ABCC4: variants seen among roughly 807,000 people sequenced by gnomAD.
The protein encoded by ABCC4 is ATP-binding cassette sub-family C member 4.
Under a neutral mutation model 168.5 loss-of-function variants are expected in ABCC4, and 102 were observed. The ratio of observed to expected loss-of-function variants is 0.61; its 90% CI spans 0.52 to 0.71. ABCC4 has a LOEUF of 0.71. Among genes scored for constraint, ABCC4 ranks in the 30% least tolerant of loss-of-function variants. ABCC4 has a pLI of 0.00. For synonymous variants in ABCC4, 617 were observed against 590.7 expected, an observed-to-expected ratio of 1.04 and a Z score of -0.65; for missense variants, 1,402 against 1,605.8, an observed-to-expected ratio of 0.87 and a Z score of 2.17.
rs1364082186 is a variant in ABCC4 at position 95,034,697 on chromosome 13, C to T, written c.3778G>A (p.Val1260Ile). Residue 1260 changes from valine to isoleucine, a missense_variant, in exon 30 of 31, where the codon GTT becomes ATT. Physicochemically the swap from Val to Ile is conservative, Grantham distance 29 (BLOSUM62 3). This residue lies in a region of ABCC4 where 1,007 missense variants were observed against 1,127.3 expected (regional missense o/e 0.89). Coordinates refer to ENST00000645237, the MANE Select transcript of ABCC4 (RefSeq NM_005845.5). ...AGGCTCTCTTTATTTTGCAGCAAAACATACGGCTCATCATATTCTTTCAGT... is the reference window on the plus strand; with the variant it reads ...AGGCTCTCTTTATTTTGCAGCAAAATATACGGCTCATCATATTCTTTCAGT... ...GRLKEYDEPY[V>I]LLQNKESLFY... 13 of 1,614,128 alleles carry T rather than the reference C, an allele frequency of 8.1e-6. No homozygotes were observed. The highest frequency in any genetic ancestry group is 1.1e-5 in the Non-Finnish European group (13 of 1,180,052).
intron 30 of ABCC4, among the ~76,000 whole-genome samples, chr13:95,031,127 C>T (rs2031857751): frequency 1.3e-5 from 2 of 152,200 alleles, no homozygotes; most frequent in South Asian, 2.1e-4. Flanking sequence ...ATATTTGATG[C>T]TTGCACATTT....
intron 22 of ABCC4, 50 bp from the exon 23 acceptor site, chr13:95,074,374 G>T: frequency 6.9e-7 from 1 of 1,456,712 alleles, no homozygotes; most frequent in South Asian, 1.2e-5. Flanking sequence ...ATGAATGTGC[G>T]AGTGTGTTTT....
At chr13:95,099,374 T>G (rs1232406435) in intron 20 of ABCC4, among the ~76,000 whole-genome samples, 1 of 152,164 alleles carries the variant, frequency 6.6e-6, no homozygotes, top group African/African-American at 2.4e-5. Context: ...AAAGGAGACT[T>G]CCTGAGGAGA....
intron 1 of ABCC4, among the ~76,000 whole-genome samples, chr13:95,264,575 A>C (rs1355195105): frequency 6.6e-6 from 1 of 152,186 alleles, no homozygotes; most frequent in Admixed American, 6.5e-5. Context: ...GTGTCTTTGA[A>C]GAATATTCTA....
chr13:95,074,179 T>C, intron 23 of ABCC4, 35 bp downstream of exon 23: 1 of 1,486,288 alleles, frequency 6.7e-7, no homozygotes, highest in South Asian at 1.2e-5. Flanking sequence ...TAAATTGTAA[T>C]CATACCATAC....
chr13:95,097,765 A>T (rs1196940995), intron 20 of ABCC4, among the ~76,000 whole-genome samples: 6 of 150,550 alleles, frequency 4.0e-5, no homozygotes, highest in African/African-American at 1.5e-4. Flanking sequence ...GGTTTTTTAA[A>T]AAAAAAAAAT....
At chr13:95,232,801 G>A (rs2039660583) in intron 4 of ABCC4, among the ~76,000 whole-genome samples, 1 of 152,134 alleles carries the variant, frequency 6.6e-6, no homozygotes, top group African/African-American at 2.4e-5. Flanking sequence ...TCTCAGCAAA[G>A]CAACCAGAAA....
At chr13:95,268,146 C>T (rs1008000589) in intron 1 of ABCC4, among the ~76,000 whole-genome samples, 1 of 152,132 alleles carries the variant, frequency 6.6e-6, no homozygotes, top group African/African-American at 2.4e-5. Context: ...TAATCTGTAA[C>T]CCTACCCCCA....
chr13:95,187,080 A>T (rs1594259674), intron 10 of ABCC4, among the ~76,000 whole-genome samples, 188 bp from the exon 11 acceptor site: 1 of 152,370 alleles, frequency 6.6e-6, no homozygotes, highest in East Asian at 1.9e-4. Context: ...TTTATAAGGA[A>T]TATTAACAAA....
At chr13:95,176,394 C>A (rs2139592231) in intron 13 of ABCC4, among the ~76,000 whole-genome samples, 1 of 152,088 alleles carries the variant, frequency 6.6e-6, no homozygotes, top group Middle Eastern at 3.4e-3. Flanking sequence ...ACCCGGGAGG[C>A]TGAGGCAGGA....
Position 95,075,546 on chromosome 13 carries a change from T to C in ABCC4, c.2692A>G (p.Ser898Gly). Residue 898 changes from serine to glycine, a missense_variant, in exon 22 of 31, where the codon AGT (serine) becomes GGT (glycine). Coordinates refer to ENST00000645237, the MANE Select transcript of ABCC4 (RefSeq NM_005845.5). ...DVKRLESTTR[S>G]PVFSHLSSSL... Reference sequence around the variant, plus strand: ...GATGATAAGTGGGAAAACACTGGACTCCGAGCTGGGGAAACAGACAGAGAA... The same window carrying C: ...GATGATAAGTGGGAAAACACTGGACCCCGAGCTGGGGAAACAGACAGAGAA... The C allele has an allele frequency of 6.2e-7, 1 of 1,614,042 alleles. No individual in the cohort carries two copies. Among genetic ancestry groups the C allele is most frequent in the South Asian group, 1.1e-5 (1 of 91,064 alleles).
At chr13:95,190,799 T>C (rs2038228186) in intron 9 of ABCC4, among the ~76,000 whole-genome samples, 1 of 152,226 alleles carries the variant, frequency 6.6e-6, no homozygotes, top group Admixed American at 6.5e-5. Flanking sequence ...TTCTCGTGGA[T>C]AGATTGGAGA....
intron 20 of ABCC4, among the ~76,000 whole-genome samples, chr13:95,111,192 C>CT (rs1293864034): frequency 3.3e-5 from 5 of 152,166 alleles, no homozygotes; most frequent in African/African-American, 9.7e-5. Flanking sequence ...AAGATATTCA[C>CT]TTTTAACCTG....
chr13:95,104,870 T>G (rs542603818), intron 20 of ABCC4, among the ~76,000 whole-genome samples: 47 of 152,090 alleles, frequency 3.1e-4, no homozygotes, highest in Non-Finnish European at 3.4e-4. Flanking sequence ...AACAAACAAG[T>G]GGATTAGAAC....
chr13:95,141,215 C>T (rs908886685), intron 19 of ABCC4, among the ~76,000 whole-genome samples: 4 of 152,152 alleles, frequency 2.6e-5, no homozygotes, highest in African/African-American at 7.2e-5. Flanking sequence ...CATTACAAGT[C>T]GGAGGCAAAG....
At chr13:95,226,022 T>A (rs2039455985) in intron 4 of ABCC4, among the ~76,000 whole-genome samples, 1 of 145,590 alleles carries the variant, frequency 6.9e-6, no homozygotes, top group South Asian at 2.2e-4. Flanking sequence ...AACTGAGGAA[T>A]AGGTAAATAC....
chr13:95,168,784 C>G (rs1046131849), intron 14 of ABCC4, among the ~76,000 whole-genome samples: 36 of 152,276 alleles, frequency 2.4e-4, no homozygotes, highest in African/African-American at 8.7e-4. Context: ...CTGAGAAGTT[C>G]TCACTAACCT....
chr13:95,118,117 C>T (rs1016826836), intron 19 of ABCC4, among the ~76,000 whole-genome samples: 3 of 152,106 alleles, frequency 2.0e-5, no homozygotes, highest in African/African-American at 4.8e-5. Context: ...AACTGAATGT[C>T]AAAGATCAGC....
At chr13:95,103,090 C>G (rs369130334) in intron 20 of ABCC4, among the ~76,000 whole-genome samples, 6 of 151,604 alleles carry the variant, frequency 4.0e-5, no homozygotes. Flanking sequence ...TACGGTGAAA[C>G]CCTGTCTCTA....
Sources: allele counts gnomAD v4.1 joint callset (sites outside exome capture counted in the v4.1 genomes callset), GRCh38; gene constraint gnomAD v4.1.1; regional missense constraint gnomAD v4.1.1; transcripts MANE v1.5; gene names NCBI Gene and HGNC (gene_info 2026-07-23, HGNC 2026-07-21).